Variants in SMARCA5 observed in about 807,000 individuals in gnomAD.
The protein encoded by SMARCA5 is SWI/SNF-related matrix-associated actin-dependent regulator of chromatin subfamily A member 5.
A neutral mutation model predicts 140.4 loss-of-function variants in SMARCA5; 18 were observed. The observed-to-expected ratio is 0.13, with a 90% confidence interval of 0.09 to 0.19. The LOEUF (loss-of-function observed/expected upper bound fraction) is 0.19, where lower values mean the gene tolerates loss of function less well. Among genes scored for constraint, SMARCA5 ranks in the 10% least tolerant of loss-of-function variants. The pLI is 1.00. For synonymous variants in SMARCA5, 449 were observed against 419.6 expected, an observed-to-expected ratio of 1.07 and a Z score of -0.86; for missense variants, 606 against 1,276.8, an observed-to-expected ratio of 0.47 and a Z score of 8.01.
chr4:143,553,346 A>G lies in SMARCA5; in HGVS notation c.*162A>G. ...CATAGTATGTAGTTTCACTTTTTTAAATGCAACAGCTGTGCTGAAATTTTT... is the reference window on the plus strand; with the variant it reads ...CATAGTATGTAGTTTCACTTTTTTAGATGCAACAGCTGTGCTGAAATTTTT... On this transcript the variant is annotated 3_prime_UTR_variant, in exon 24 of 24. Transcript: ENST00000283131. The G allele has an allele frequency of 1.9e-6, 1 of 523,580 alleles. No homozygotes were observed. The highest frequency in any genetic ancestry group is 3.4e-6 in the Non-Finnish European group (1 of 291,910). 32.4% of individuals were successfully genotyped at this position (523,580 alleles called of 1,614,324 possible).
intron 1 of SMARCA5, 142 bp from the exon 2 acceptor site, chr4:143,517,208 GTTAGC>G (rs1285007421): frequency 3.6e-6 from 2 of 559,990 alleles, no homozygotes; most frequent in South Asian, 2.3e-5. Flanking sequence ...CAGTTTTTCT[GTTAGC>G]TTAGATGACA....
chr4:143,549,916 T>C (rs1737609638), intron 22 of SMARCA5, 81 bp from the exon 23 acceptor site: 2 of 733,504 alleles, frequency 2.7e-6, no homozygotes, highest in South Asian at 3.2e-5. Flanking sequence ...TATTATCCTA[T>C]TAAAACATAC....
At chr4:143,527,762 C>A in intron 6 of SMARCA5, 106 bp from the exon 7 acceptor site, 1 of 958,294 alleles carries the variant, frequency 1.0e-6, no homozygotes, top group Non-Finnish European at 1.6e-6. Flanking sequence ...TACTCTACTC[C>A]TTTTTAGTAT....
Position 143,548,089 on chromosome 4 carries a change from C to A in SMARCA5, c.2934C>A (p.Arg978=), listed in dbSNP as rs140233706. ...ATGATGAATTGCGACAGTGTATTCG[C>A]AACTCTCCTCAGTTCAGATTTGACT... is the stretch of plus-strand genomic sequence containing the variant. ...NVYDELRQCI[R]NSPQFRFDWF... The change falls in exon 22 of 24, where the codon CGC becomes CGA. Residue 978 remains arginine (R), a synonymous_variant. Transcript: ENST00000283131. The A allele has an allele frequency of 2.5e-6, 4 of 1,612,604 alleles. No individual in the cohort carries two copies. Among genetic ancestry groups the A allele is most frequent in the Non-Finnish European group, 3.4e-6 (4 of 1,179,156 alleles).
intron 14 of SMARCA5, among the ~76,000 whole-genome samples, chr4:143,540,727 C>G (rs1383606171): frequency 6.6e-6 from 1 of 152,238 alleles, no homozygotes; most frequent in East Asian, 1.9e-4. Flanking sequence ...GCAGTTCTCT[C>G]TGGTTACATG....
chr4:143,535,414 G>A (rs1737282724), intron 10 of SMARCA5, among the ~76,000 whole-genome samples: 1 of 152,086 alleles, frequency 6.6e-6, no homozygotes, highest in Non-Finnish European at 1.5e-5. Context: ...TTCTTTACTG[G>A]TCTCATCATA....
chr4:143,540,247 A>G (rs1578801679), intron 13 of SMARCA5, 116 bp from the exon 14 acceptor site: 1 of 771,396 alleles, frequency 1.3e-6, no homozygotes, highest in East Asian at 3.0e-5. Flanking sequence ...TGTTATTACA[A>G]ATTTTTAAAA....
At chr4:143,540,718 C>T (rs7688293) in intron 14 of SMARCA5, among the ~76,000 whole-genome samples, 80,935 of 151,872 alleles carry the variant, frequency 0.53, 21,916 homozygotes, top group Middle Eastern at 0.64. Flanking sequence ...TGCCAGTTAG[C>T]AGTTCTCTCT....
intron 8 of SMARCA5, among the ~76,000 whole-genome samples, chr4:143,529,823 A>C (rs1471723121): frequency 2.6e-5 from 4 of 152,200 alleles, no homozygotes; most frequent in Non-Finnish European, 4.4e-5. Flanking sequence ...TCCAAAAGCA[A>C]TTTTAGCTTC....
chr4:143,524,296 A>G (rs1425162776), intron 3 of SMARCA5, 71 bp from the exon 4 acceptor site: 3 of 1,023,104 alleles, frequency 2.9e-6, no homozygotes, highest in African/African-American at 1.6e-5. Flanking sequence ...CCACTTGACT[A>G]TGATGTTTAA....
intron 9 of SMARCA5, among the ~76,000 whole-genome samples, chr4:143,532,882 GC>G (rs1460791844): frequency 2.6e-5 from 4 of 152,144 alleles, no homozygotes; most frequent in African/African-American, 9.7e-5. Flanking sequence ...AACCGGTGGG[GC>G]TAAAGGTCTT....
chr4:143,540,505 G>A lies in SMARCA5; in HGVS notation c.1903+10G>A, dbSNP rs201312444. 5.3e-4 allele frequency: 850 copies of A among 1,600,058 alleles called. 8 individuals are homozygous for A. Among genetic ancestry groups the A allele is most frequent in the Non-Finnish European group, 1.1e-4 (128 of 1,175,870 alleles). On this transcript the variant is annotated intron_variant, in intron 14 of 23. Transcript: ENST00000283131. ...ATAGTCATTCAACAAGGTAAGCCAT[G>A]GAACTTTAAAACTTTACCAAGTTGG...
chr4:143,546,995 T>TTTGATA, intron 20 of SMARCA5, 87 bp downstream of exon 20: 1 of 1,306,376 alleles, frequency 7.7e-7, no homozygotes, highest in Non-Finnish European at 1.1e-6. Flanking sequence ...TGTGATTAGC[T>TTTGATA]AATTTTGTCA....
Position 143,554,922 on chromosome 4 carries a change from G to T in SMARCA5, c.*1738G>T. 1 of 353,320 alleles carries T rather than the reference G, an allele frequency of 2.8e-6. No homozygotes were observed. The highest frequency in any genetic ancestry group is 2.5e-5 in the South Asian group (1 of 40,038). 21.9% of individuals were successfully genotyped at this position (353,320 alleles called of 1,614,324 possible). A position where few individuals can be genotyped will look rare whatever the true frequency, so the allele number is the denominator to read the frequency against. ...CCCTGAGAGCTTAGGGACTCAAATGGAAACTGTGTGAAGGGAAACTCACTT... is the reference window on the plus strand; with the variant it reads ...CCCTGAGAGCTTAGGGACTCAAATGTAAACTGTGTGAAGGGAAACTCACTT... On this transcript the variant is annotated 3_prime_UTR_variant, in exon 24 of 24. Transcript: ENST00000283131.
intron 2 of SMARCA5, among the ~76,000 whole-genome samples, chr4:143,520,368 T>A (rs757324549): frequency 1.3e-5 from 2 of 152,200 alleles, no homozygotes; most frequent in Non-Finnish European, 2.9e-5. Context: ...AGGACATTAC[T>A]GGGGTTCTAG....
At chr4:143,534,014 C>G (rs1264768096) in intron 9 of SMARCA5, among the ~76,000 whole-genome samples, 1 of 152,120 alleles carries the variant, frequency 6.6e-6, no homozygotes. Context: ...TGTGGCAACC[C>G]TGTGTCAAGG....
In SMARCA5 at chr4:143,513,738, G is replaced by GT. The variant is rs1052553973; in HGVS notation, c.-184dup. 1.6e-6 allele frequency: 1 copy of GT among 626,908 alleles called. No individual in the cohort carries two copies. Among genetic ancestry groups the GT allele is most frequent in the African/African-American group, 1.9e-5 (1 of 51,656 alleles). 38.8% of individuals were successfully genotyped at this position (626,908 alleles called of 1,614,324 possible). On this transcript the variant is annotated 5_prime_UTR_variant, in exon 1 of 24. Coordinates refer to ENST00000283131, the MANE Select transcript of SMARCA5 (RefSeq NM_003601.4). ...CTAGAGCCCCGCGGAAGAGCAGAAC[G>GT]TTTGGGAGTGTGCAGCTCCTGGGCC...
In SMARCA5 at chr4:143,515,984, A is replaced by AT. The variant is rs944042478; in HGVS notation, c.178-1360dup. Among the ~76,000 whole-genome samples, 606 of 144,190 alleles carry AT rather than the reference A, an allele frequency of 4.2e-3. 1 individual carries two copies. Among genetic ancestry groups the AT allele is most frequent in the African/African-American group, 0.012 (481 of 39,492 alleles). 94.6% of individuals were successfully genotyped at this position (144,190 alleles called of 152,430 possible). ...TTTTTTTGGTTGACATTATAGTGTGATTTTTTTTTTTGTCTTTTAAAATGT... is the reference window on the plus strand; with the variant it reads ...TTTTTTTGGTTGACATTATAGTGTGATTTTTTTTTTTTGTCTTTTAAAATGT... On this transcript the variant is annotated intron_variant, in intron 1 of 23. Coordinates refer to ENST00000283131, the MANE Select transcript of SMARCA5 (RefSeq NM_003601.4).
chr4:143,537,625 G>A (rs558238435), intron 11 of SMARCA5, among the ~76,000 whole-genome samples: 10 of 152,212 alleles, frequency 6.6e-5, no homozygotes, highest in African/African-American at 2.4e-4. Flanking sequence ...ATTAAACTCT[G>A]CAGGGAAAAT....
Sources: gnomAD v4.1 joint callset for allele counts (sites outside exome capture counted in the v4.1 genomes callset) on GRCh38, gnomAD v4.1.1 for gene constraint, MANE v1.5 for transcripts, NCBI Gene and HGNC (gene_info 2026-07-23, HGNC 2026-07-21) for gene names.